The following PTPRD variants were observed in gnomAD, a reference collection of about 807,000 sequenced individuals.
PTPRD encodes the protein receptor-type tyrosine-protein phosphatase delta.
PTPRD carries 34 observed loss-of-function variants against 214.5 expected under a neutral mutation model. The ratio of observed to expected loss-of-function variants is 0.16; its 90% confidence interval spans 0.12 to 0.21. PTPRD has a LOEUF of 0.21. PTPRD is among the 10% of genes least tolerant of loss of function. PTPRD has a pLI of 1.00. For missense variants in PTPRD, 2,545 were observed against 2,398.7 expected, an observed-to-expected ratio of 1.06 and a Z score of -1.27; for synonymous variants, 1,128 against 845.7, an observed-to-expected ratio of 1.33 and a Z score of -5.79.
intron 2 of PTPRD, among the ~76,000 whole-genome samples, chr9:10,490,493 T>C (rs1430823530): frequency 6.6e-6 from 1 of 152,178 alleles, no homozygotes; most frequent in Non-Finnish European, 1.5e-5. Flanking sequence ...TAGATACCTC[T>C]CTTCTTTCCT....
intron 8 of PTPRD, among the ~76,000 whole-genome samples, chr9:9,486,475 T>C (rs1445340209): frequency 6.6e-6 from 1 of 152,186 alleles, no homozygotes; most frequent in African/African-American, 2.4e-5. Context: ...CTTGAAATAT[T>C]TTCCCTTAGT....
intron 2 of PTPRD, among the ~76,000 whole-genome samples, chr9:10,470,890 G>A (rs2099026329): frequency 6.6e-6 from 1 of 152,042 alleles, no homozygotes; most frequent in Non-Finnish European, 1.5e-5. Context: ...AGCAAAGACT[G>A]GAACCAACCA....
chr9:10,245,853 T>C (rs2091995084), intron 3 of PTPRD, among the ~76,000 whole-genome samples: 1 of 152,088 alleles, frequency 6.6e-6, no homozygotes, highest in Non-Finnish European at 1.5e-5. Context: ...TAGTATCAAG[T>C]AAGGGATTTT....
chr9:8,322,267 C>T (rs1384509768), intron 44 of PTPRD, among the ~76,000 whole-genome samples: 1 of 151,936 alleles, frequency 6.6e-6, no homozygotes, highest in Non-Finnish European at 1.5e-5. Flanking sequence ...TCGCGTGTAT[C>T]TAACTAACTT....
intron 9 of PTPRD, among the ~76,000 whole-genome samples, chr9:9,199,412 C>T (rs1251660822): frequency 2.0e-5 from 3 of 152,112 alleles, no homozygotes; most frequent in Non-Finnish European, 4.4e-5. Flanking sequence ...ATGGTACACA[C>T]CAGAGTCCTT....
chr9:9,752,506 T>G (rs539694228), intron 6 of PTPRD, among the ~76,000 whole-genome samples: 1 of 150,802 alleles, frequency 6.6e-6, no homozygotes, highest in Non-Finnish European at 1.5e-5. Context: ...AAAAATGGAG[T>G]GTGCCTTTCA....
At chr9:9,628,109 A>C (rs545277238) in intron 7 of PTPRD, among the ~76,000 whole-genome samples, 1 of 152,328 alleles carries the variant, frequency 6.6e-6, no homozygotes, top group South Asian at 2.1e-4. Context: ...TTTGCCTTCT[A>C]AAATTTTAAT....
intron 10 of PTPRD, among the ~76,000 whole-genome samples, chr9:9,061,962 T>A (rs2099708310): frequency 6.6e-6 from 1 of 151,660 alleles, no homozygotes; most frequent in Non-Finnish European, 1.5e-5. Context: ...AAGAACCGAC[T>A]GTGGGAGTAG....
chr9:8,439,249 T>C (rs12551693), intron 34 of PTPRD, among the ~76,000 whole-genome samples: 15,293 of 152,150 alleles, frequency 0.1, 1,039 homozygotes, highest in East Asian at 0.27. Flanking sequence ...CATCTACTAA[T>C]AGGGACAAAT....
intron 2 of PTPRD, among the ~76,000 whole-genome samples, chr9:10,472,946 C>G (rs1005965566): frequency 6.6e-6 from 1 of 151,796 alleles, no homozygotes; most frequent in African/African-American, 2.4e-5. Flanking sequence ...GATTATATTG[C>G]ATATAAATTG....
chr9:9,368,027 C>T (rs2058368050), intron 9 of PTPRD, among the ~76,000 whole-genome samples: 1 of 151,678 alleles, frequency 6.6e-6, no homozygotes, highest in Admixed American at 6.6e-5. Context: ...CTTCTGAAAA[C>T]ATATTATTCA....
intron 11 of PTPRD, among the ~76,000 whole-genome samples, chr9:8,923,853 T>A (rs1351330196): frequency 6.6e-6 from 1 of 152,142 alleles, no homozygotes; most frequent in East Asian, 1.9e-4. Context: ...CAGTGAGTCA[T>A]ATGTGATTTT....
rs1160540149 is a variant in PTPRD at position 10,444,169 on chromosome 9, G to A, written c.-599-103152C>T. On this transcript the variant is annotated intron_variant, in intron 2 of 45. Coordinates refer to ENST00000381196, the MANE Select transcript of PTPRD (RefSeq NM_002839.4). ...CAATAAAAGCCATCAGCTTATGTTA[G>A]GTGACTGTATCACCTATTCTATCCC... Among the ~76,000 whole-genome samples, 10 of 151,646 alleles carry A rather than the reference G, an allele frequency of 6.6e-5. No homozygotes were observed. In the East Asian group the frequency reaches 7.7e-4, roughly 12 times the overall value.
rs142370823 is a variant in PTPRD, at chr9:10,249,268, C to T, written c.-545+91695G>A. The stretch of plus-strand genomic sequence containing the variant: ...GATTGTTCACCTTGTGAAAAGTAAA[C>T]TTAGTTCTCTTTTGTGTTGTGGTCA... On this transcript the variant is annotated intron_variant, in intron 3 of 45. Transcript: ENST00000381196. 5.1e-3 allele frequency among the ~76,000 whole-genome samples: 782 copies of T among 152,206 alleles called. 3 individuals are homozygous for T. Among genetic ancestry groups the T allele is most frequent in the Non-Finnish European group, 6.2e-3 (425 of 68,004 alleles).
chr9:10,249,444 G>T (rs554732333), intron 3 of PTPRD, among the ~76,000 whole-genome samples: 1 of 152,108 alleles, frequency 6.6e-6, no homozygotes, highest in South Asian at 2.1e-4. Context: ...AGCCAAGATC[G>T]GACCTCAAAA....
intron 11 of PTPRD, among the ~76,000 whole-genome samples, chr9:8,950,590 A>G (rs970533252): frequency 6.6e-6 from 1 of 152,164 alleles, no homozygotes; most frequent in African/African-American, 2.4e-5. Flanking sequence ...AGATGTCATA[A>G]CATTGTATAC....
At chr9:9,283,784 G>T (rs1051311388) in intron 9 of PTPRD, among the ~76,000 whole-genome samples, 1 of 151,620 alleles carries the variant, frequency 6.6e-6, no homozygotes, top group Non-Finnish European at 1.5e-5. Flanking sequence ...ATTAATCATA[G>T]TGAATGTGCT....
chr9:9,520,813 C>T (rs1002325644), intron 8 of PTPRD, among the ~76,000 whole-genome samples: 1 of 152,092 alleles, frequency 6.6e-6, no homozygotes. Flanking sequence ...GTCTACGAGT[C>T]GTAGAATCAA....
intron 7 of PTPRD, among the ~76,000 whole-genome samples, chr9:9,595,286 T>C (rs1037809993): frequency 4.1e-4 from 1 of 2,420 alleles, no homozygotes; most frequent in Non-Finnish European, 9.9e-4. Context: ...ATTATATATA[T>C]ATTATATATA....
Sources: allele counts gnomAD v4.1 joint callset (sites outside exome capture counted in the v4.1 genomes callset), GRCh38; gene constraint gnomAD v4.1.1; transcripts MANE v1.5; gene names NCBI Gene and HGNC (gene_info 2026-07-23, HGNC 2026-07-21).